EPB41L5: variants seen among roughly 807,000 people sequenced by gnomAD.
EPB41L5 encodes band 4.1-like protein 5.
EPB41L5 carries 55 observed loss-of-function variants against 106.6 expected under a neutral mutation model. The ratio of observed to expected loss-of-function variants is 0.52; its 90% CI spans 0.42 to 0.65. EPB41L5 has a LOEUF of 0.65. EPB41L5 is among the 30% of genes least tolerant of loss of function. EPB41L5 has a pLI of 0.00. For synonymous variants in EPB41L5, 297 were observed against 306.7 expected (o/e 0.97, Z 0.33); for missense variants, 871 against 882.1 (o/e 0.99, Z 0.16).
At chr2:120,033,191 C>A (rs750007676) in intron 2 of EPB41L5, among the ~76,000 whole-genome samples, 1 of 152,166 alleles carries the variant, frequency 6.6e-6, no homozygotes, top group Non-Finnish European at 1.5e-5. Context: ...TCAATGATAA[C>A]ATTTTATTTC....
intron 15 of EPB41L5, 57 bp downstream of exon 15, chr2:120,100,343 A>G: frequency 6.7e-7 from 1 of 1,501,654 alleles, no homozygotes; most frequent in Non-Finnish European, 9.2e-7. Flanking sequence ...TGGTAACAGT[A>G]GTAGTATTGA....
chr2:120,112,553 T>C (rs12615205), intron 16 of EPB41L5, among the ~76,000 whole-genome samples: 1,556 of 152,312 alleles, frequency 0.01, 41 homozygotes, highest in East Asian at 0.093. Context: ...GTAGAAGTGG[T>C]TGAAGTTAAG....
chr2:120,152,140 T>C (rs1686707620), intron 20 of EPB41L5, among the ~76,000 whole-genome samples: 1 of 152,214 alleles, frequency 6.6e-6, no homozygotes, highest in South Asian at 2.1e-4. Context: ...TCTTTCACCA[T>C]TGAGTGTTGT....
chr2:120,067,916 G>A (rs1420390674), intron 3 of EPB41L5, among the ~76,000 whole-genome samples: 1 of 152,164 alleles, frequency 6.6e-6, no homozygotes, highest in Non-Finnish European at 1.5e-5. Flanking sequence ...GGAAATAAGG[G>A]CAAAATTTAG....
intron 16 of EPB41L5, chr2:120,105,993 T>C: frequency 1.0e-6 from 1 of 985,370 alleles, no homozygotes; most frequent in South Asian, 4.7e-5. Flanking sequence ...ACTTTAAAAT[T>C]ATTCTTAATC....
chr2:120,030,405 A>G (rs1381143254), intron 2 of EPB41L5, among the ~76,000 whole-genome samples: 2 of 152,194 alleles, frequency 1.3e-5, no homozygotes, highest in African/African-American at 4.8e-5. Context: ...ATCAGCTGAG[A>G]TCACCCAGAT....
chr2:120,167,971 C>T lies in EPB41L5; in HGVS notation c.2099C>T (p.Ser700Phe). Residue 700 changes from serine (S) to phenylalanine (F), a missense_variant, in exon 24 of 25, where the codon TCT becomes TTT. Ser to Phe is a radical substitution (Grantham distance 155). Transcript: ENST00000263713. ...HGNKDGISLISPPAPFLVDAV... is the reference protein window; with the variant it reads ...HGNKDGISLIFPPAPFLVDAV... ...AATAAAGATGGAATCTCACTGATCTCTCCCCCAGCGCCATTCTTGGTAGAT... is the reference window on the plus strand; with the variant it reads ...AATAAAGATGGAATCTCACTGATCTTTCCCCCAGCGCCATTCTTGGTAGAT... 1.2e-6 allele frequency: 2 copies of T among 1,614,114 alleles called. No individual in the cohort carries two copies. The highest frequency in any genetic ancestry group is 1.7e-6 in the Non-Finnish European group (2 of 1,179,994).
intron 16 of EPB41L5, chr2:120,105,617 G>A (rs1471612637): frequency 1.0e-6 from 1 of 985,172 alleles, no homozygotes; most frequent in Admixed American, 6.2e-5. Flanking sequence ...ATAATTATGT[G>A]TAAGAGGATG....
chr2:120,140,828 G>A (rs1322813639), intron 18 of EPB41L5, among the ~76,000 whole-genome samples: 1 of 152,036 alleles, frequency 6.6e-6, no homozygotes, highest in Non-Finnish European at 1.5e-5. Flanking sequence ...TTTTAATAAA[G>A]GCTGATTTCT....
chr2:120,178,221 T>G lies in EPB41L5; in HGVS notation c.*3314T>G, dbSNP rs922176293. 1 of 152,322 alleles carries G rather than the reference T, an allele frequency of 6.6e-6. No homozygotes were observed. Among genetic ancestry groups the G allele is most frequent in the Non-Finnish European group, 1.5e-5 (1 of 68,098 alleles). The allele number at this position is 152,322 out of a possible 1,614,324, so 9.4% of individuals were successfully genotyped here. A position where few individuals can be genotyped will look rare whatever the true frequency, so the allele number is the denominator to read the frequency against. ...TGTGAAACTTTGTAGAGCAGCAGAG[T>G]GGCTGCGTGAAACGGGAGGCTGGCA... On this transcript the variant is annotated 3_prime_UTR_variant, in exon 25 of 25. Transcript: ENST00000263713.
At chr2:120,095,381 T>G (rs1683678174) in intron 14 of EPB41L5, among the ~76,000 whole-genome samples, 1 of 152,164 alleles carries the variant, frequency 6.6e-6, no homozygotes, top group Admixed American at 6.5e-5. Flanking sequence ...TTACCCATTA[T>G]TTCTCTAGAT....
chr2:120,115,715 T>C (rs1020964663), intron 16 of EPB41L5, among the ~76,000 whole-genome samples: 1 of 152,084 alleles, frequency 6.6e-6, no homozygotes, highest in Non-Finnish European at 1.5e-5. Context: ...CATTGTTTTC[T>C]TAATGGTTAC....
intron 2 of EPB41L5, among the ~76,000 whole-genome samples, chr2:120,028,035 G>A (rs1678454149): frequency 2.0e-5 from 3 of 151,546 alleles, no homozygotes. Context: ...GCTAATTTTT[G>A]TTATTTTTAG....
At position 120,174,814 on chromosome 2, in the gene EPB41L5, G is replaced by C. The variant is rs201925456; in HGVS notation, c.2136-27G>C. On this transcript the variant is annotated intron_variant, in intron 24 of 24. Transcript: ENST00000263713. ...CTCCTCCAAACCCCAGGGGTTCCCT[G>C]AGTAACCCATTCTCTCTTCCTTTCA... The C allele has an allele frequency of 1.6e-4, 257 of 1,604,564 alleles. No individual in the cohort carries two copies. The East Asian group carries it at 5.5e-3, about 34-fold the overall frequency.
At chr2:120,048,243 C>A (rs1192176139) in intron 3 of EPB41L5, among the ~76,000 whole-genome samples, 1 of 152,248 alleles carries the variant, frequency 6.6e-6, no homozygotes, top group East Asian at 1.9e-4. Flanking sequence ...GGTACCAGCT[C>A]CTCTTTGTAC....
intron 23 of EPB41L5, 90 bp from the exon 24 acceptor site, chr2:120,167,787 A>G (rs1673998767): frequency 6.8e-7 from 1 of 1,466,608 alleles, no homozygotes; most frequent in Non-Finnish European, 9.5e-7. Context: ...CGTTAATCTC[A>G]TAGTCATTAG....
intron 2 of EPB41L5, among the ~76,000 whole-genome samples, chr2:120,035,243 A>C (rs893362422): frequency 6.6e-6 from 1 of 152,156 alleles, no homozygotes; most frequent in Non-Finnish European, 1.5e-5. Flanking sequence ...CTAGGATATA[A>C]GATTCTTCTA....
At chr2:120,051,447 TC>T (rs1327657798) in intron 3 of EPB41L5, among the ~76,000 whole-genome samples, 1 of 152,188 alleles carries the variant, frequency 6.6e-6, no homozygotes, top group African/African-American at 2.4e-5. Flanking sequence ...CGTGGGACCC[TC>T]CGAGCCAGGC....
Position 120,085,177 on chromosome 2 carries a change from C to G in EPB41L5, c.804-1994C>G, listed in dbSNP as rs185981534. Reference sequence around the variant, plus strand: ...TCCATTGCTGGCGAGGAGCTATGTTCCTTTGGAGGGGAGAGGCGCTCTGAT... The same window carrying G: ...TCCATTGCTGGCGAGGAGCTATGTTGCTTTGGAGGGGAGAGGCGCTCTGAT... On this transcript the variant is annotated intron_variant, in intron 10 of 24. Coordinates refer to ENST00000263713, the MANE Select transcript of EPB41L5 (RefSeq NM_020909.4). Among the ~76,000 whole-genome samples, 686 of 152,302 alleles carry G rather than the reference C, an allele frequency of 4.5e-3. 7 individuals are homozygous for G. The highest frequency in any genetic ancestry group is 5.8e-3 in the Non-Finnish European group (393 of 68,032).
Sources: gnomAD v4.1 joint callset for allele counts (sites outside exome capture counted in the v4.1 genomes callset) on GRCh38, gnomAD v4.1.1 for gene constraint, MANE v1.5 for transcripts, NCBI Gene and HGNC (gene_info 2026-07-23, HGNC 2026-07-21) for gene names.